PARVB: variants seen among roughly 807,000 people sequenced by gnomAD.
The protein encoded by PARVB is beta-parvin.
In PARVB, 46 loss-of-function variants were observed where a neutral mutation model predicts 47.0. The ratio of observed to expected loss-of-function variants is 0.98; its 90% CI spans 0.77 to 1.25. The LOEUF (loss-of-function observed/expected upper bound fraction) is 1.25. PARVB is among the 50% of genes most tolerant of loss of function. The probability of loss-of-function intolerance (pLI) is 0.00; values close to 1 mark genes in which losing one functional copy is unlikely to be tolerated. For missense variants in PARVB, 473 were observed against 471.6 expected (o/e 1.00, Z -0.03); for synonymous variants, 196 against 196.3 (o/e 1.00, Z 0.01).
At chr22:44,158,187 T>G (rs1379515200) in intron 11 of PARVB, 104 bp downstream of exon 11, 4 of 733,380 alleles carry the variant, frequency 5.5e-6, no homozygotes, top group Non-Finnish European at 6.9e-6. Context: ...GCTGCATTCT[T>G]CAGAAAGTAA....
Position 44,119,106 on chromosome 22 carries a change from C to T in PARVB, c.342C>T (p.Asp114=), listed in dbSNP as rs759310036. The change falls in exon 4 of 13, where the codon GAC becomes GAT. Residue 114 remains aspartate, a synonymous_variant. Transcript: ENST00000338758. ...TCATTGTGAAGCAGCTGGAGGAAGA[C>T]CTGTATGACGGCCAGGTGCTGCAGA... The part of the protein sequence containing the change: ...ERIIVKQLEE[D]LYDGQVLQKL... 1.9e-6 allele frequency: 3 copies of T among 1,614,002 alleles called. No homozygotes were observed. Among genetic ancestry groups the T allele is most frequent in the South Asian group, 2.2e-5 (2 of 91,078 alleles).
intron 1 of PARVB, among the ~76,000 whole-genome samples, chr22:44,080,284 C>G (rs2051871086): frequency 6.6e-6 from 1 of 152,216 alleles, no homozygotes; most frequent in South Asian, 2.1e-4. Context: ...TAAACCAACA[C>G]AAATCTATTA....
intron 3 of PARVB, chr22:44,104,211 G>T (rs549769670): frequency 6.6e-6 from 1 of 152,250 alleles, no homozygotes; most frequent in Admixed American, 6.5e-5. Flanking sequence ...CCTGGAGCAC[G>T]TGTTTCTGGA....
At chr22:44,140,603 A>T in intron 8 of PARVB, 1 of 519,946 alleles carries the variant, frequency 1.9e-6, no homozygotes, top group Non-Finnish European at 3.8e-6. Context: ...CCTTAGAGTC[A>T]GGCAGCCAGG....
intron 2 of PARVB, among the ~76,000 whole-genome samples, chr22:44,015,165 A>T (rs890059795): frequency 2.1e-4 from 11 of 52,070 alleles, no homozygotes; most frequent in African/African-American, 4.7e-4. Context: ...CACAGCAATT[A>T]AAAAAAAAAA....
chr22:44,006,766 C>A (rs954898446), intron 2 of PARVB, among the ~76,000 whole-genome samples: 1 of 152,174 alleles, frequency 6.6e-6, no homozygotes, highest in Non-Finnish European at 1.5e-5. Flanking sequence ...CACTTCCATA[C>A]CTTCAGCCCT....
chr22:44,072,404 C>T (rs950017243), intron 1 of PARVB, among the ~76,000 whole-genome samples: 6 of 147,034 alleles, frequency 4.1e-5, no homozygotes, highest in African/African-American at 1.2e-4. Flanking sequence ...AAGGAAGAGC[C>T]GACAGTTTGC....
At chr22:44,024,102 C>G (rs2146875889), upstream of PARVB, among the ~76,000 whole-genome samples, 1 of 152,244 alleles carries the variant, frequency 6.6e-6, no homozygotes, top group Non-Finnish European at 1.5e-5. Flanking sequence ...AAGGCTGCGC[C>G]GCTCCCGGGG....
At chr22:44,123,608 C>T (rs570633082) in intron 4 of PARVB, among the ~76,000 whole-genome samples, 1 of 152,254 alleles carries the variant, frequency 6.6e-6, no homozygotes, top group South Asian at 2.1e-4. Context: ...AGATACGAGG[C>T]TTTGCCATGT....
intron 6 of PARVB, among the ~76,000 whole-genome samples, chr22:44,134,574 C>T (rs73181265): frequency 0.092 from 14,074 of 152,246 alleles, 878 homozygotes; most frequent in Non-Finnish European, 0.14. Context: ...TGTTTGGCCA[C>T]GACCAAAGCA....
intron 1 of PARVB, among the ~76,000 whole-genome samples, chr22:44,036,386 A>G (rs960546724): frequency 1.2e-4 from 19 of 152,242 alleles, no homozygotes; most frequent in African/African-American, 4.3e-4. Context: ...AACTTTTTAT[A>G]GTAGATTTGT....
intron 2 of PARVB, among the ~76,000 whole-genome samples, chr22:44,097,647 C>A (rs2052340297): frequency 6.6e-6 from 1 of 152,178 alleles, no homozygotes; most frequent in South Asian, 2.1e-4. Flanking sequence ...GTCACCATCA[C>A]CAGGTGACCA....
rs751162027 is a variant in PARVB at position 44,093,973 on chromosome 22, T to C, written c.158T>C (p.Met53Thr). ...GGCAAGAATGCCATCAACTCACCGA[T>C]GTCCCCCGCCCTGGTGGATGTTCAC... is the stretch of plus-strand genomic sequence containing the variant. ...EEGKNAINSP[M>T]SPALVDVHPE... Residue 53 changes from methionine (M) to threonine (T), a missense_variant, in exon 2 of 13, where the codon ATG becomes ACG. Transcript: ENST00000338758. 1.2e-6 allele frequency: 2 copies of C among 1,613,682 alleles called. No homozygotes were observed. The highest frequency in any genetic ancestry group is 1.7e-5 in the Admixed American group (1 of 59,996).
intron 2 of PARVB, among the ~76,000 whole-genome samples, chr22:44,015,014 C>A (rs1383304246): frequency 1.3e-5 from 2 of 152,092 alleles, no homozygotes; most frequent in African/African-American, 4.8e-5. Flanking sequence ...CCATGCCTGG[C>A]TAATTTTTGT....
rs114431778 is a variant in PARVB at position 44,068,507 on chromosome 22, C to T, written c.113-25421C>T. On this transcript the variant is annotated intron_variant, in intron 1 of 12. Transcript: ENST00000338758. The surrounding 1 kb of genome is among the most constrained non-coding windows in gnomAD (Gnocchi z 4.1). Reference sequence around the variant, plus strand: ...GTGAGTGCTCCCGAGAGCAGCCTGCCGCCTCCGTGTCGGGGCAGCCTCAGC... The same window carrying T: ...GTGAGTGCTCCCGAGAGCAGCCTGCTGCCTCCGTGTCGGGGCAGCCTCAGC... 0.087 allele frequency among the ~76,000 whole-genome samples: 13,276 copies of T among 152,228 alleles called. 835 individuals are homozygous for T. The highest frequency in any genetic ancestry group is 0.16 in the African/African-American group (6,838 of 41,530).
At chr22:44,034,052 G>C (rs749567756) in intron 1 of PARVB, among the ~76,000 whole-genome samples, 48 of 151,062 alleles carry the variant, frequency 3.2e-4, no homozygotes, top group Non-Finnish European at 4.4e-5. Flanking sequence ...GTTTATTTTT[G>C]CTATAAATGG....
At chr22:44,088,767 C>T (rs545405410) in intron 1 of PARVB, among the ~76,000 whole-genome samples, 13 of 152,262 alleles carry the variant, frequency 8.5e-5, no homozygotes, top group Admixed American at 2.6e-4. Flanking sequence ...CCACCGTGCC[C>T]GGCCTCCCTC....
chr22:44,043,325 G>T (rs186946602), intron 1 of PARVB, among the ~76,000 whole-genome samples: 16 of 152,232 alleles, frequency 1.1e-4, no homozygotes, highest in Non-Finnish European at 1.9e-4. Context: ...AATGGTGATG[G>T]TTACACAGCT....
intron 4 of PARVB, 59 bp downstream of exon 4, chr22:44,119,199 C>A: frequency 8.3e-7 from 1 of 1,210,230 alleles, no homozygotes. Context: ...CGGCCCTGGG[C>A]TGGGCCAGGA....
Sources: allele counts gnomAD v4.1 joint callset (sites outside exome capture counted in the v4.1 genomes callset), GRCh38; gene constraint gnomAD v4.1.1; non-coding constraint Gnocchi (gnomAD v3.1); transcripts MANE v1.5; gene names NCBI Gene and HGNC (gene_info 2026-07-23, HGNC 2026-07-21).